Variants in STXBP4 observed in about 807,000 individuals in gnomAD.
STXBP4 encodes syntaxin binding protein 4, also known as syntaxin-binding protein 4.
Under a neutral mutation model 76.1 loss-of-function variants are expected in STXBP4, and 55 were observed. The observed-to-expected ratio is 0.72, with a 90% CI of 0.58 to 0.91. The LOEUF is 0.91. Among genes scored for constraint, STXBP4 ranks in the 40% least tolerant of loss-of-function variants. The pLI is 0.00. For synonymous variants in STXBP4, 201 were observed against 220.2 expected (o/e 0.91, Z 0.77); for missense variants, 618 against 636.9 (o/e 0.97, Z 0.32).
intron 16 of STXBP4, among the ~76,000 whole-genome samples, chr17:55,109,755 G>C (rs244367): frequency 1.3e-5 from 2 of 151,300 alleles, no homozygotes; most frequent in Non-Finnish European, 2.9e-5. Context: ...TTAGCCTCCT[G>C]AGTAGCTGGG....
chr17:54,997,582 A>ATATATATTT (rs796486060), intron 4 of STXBP4, among the ~76,000 whole-genome samples: 3 of 145,884 alleles, frequency 2.1e-5, no homozygotes, highest in South Asian at 2.1e-4. Flanking sequence ...ATATAAATAT[A>ATATATATTT]TATATATTTT....
Position 55,057,377 on chromosome 17 carries a change from G to A in STXBP4, c.1011+10223G>A, listed in dbSNP as rs537359512. 3.4e-4 allele frequency among the ~76,000 whole-genome samples: 51 copies of A among 152,138 alleles called. 1 individual carries two copies. Among genetic ancestry groups the A allele is most frequent in the Middle Eastern group, 6.8e-3 (2 of 294 alleles). On this transcript the variant is annotated intron_variant, in intron 12 of 17. Transcript: ENST00000376352. The stretch of plus-strand genomic sequence containing the variant: ...ACTACTGATGACTCAATTTACGTGC[G>A]TATACTAAACAGTGTTAGCAACTGT...
chr17:55,050,755 C>G (rs1445342115), intron 12 of STXBP4, among the ~76,000 whole-genome samples: 1 of 152,198 alleles, frequency 6.6e-6, no homozygotes, highest in Non-Finnish European at 1.5e-5. Flanking sequence ...GCAACCTCCA[C>G]CTCCCGGGTA....
intron 7 of STXBP4, among the ~76,000 whole-genome samples, chr17:55,005,811 A>C (rs1231910583): frequency 6.6e-6 from 1 of 152,180 alleles, no homozygotes; most frequent in African/African-American, 2.4e-5. Flanking sequence ...TCCAAACCTT[A>C]AAGGATGAAA....
chr17:55,130,434 C>T (rs1395260001), intron 16 of STXBP4, among the ~76,000 whole-genome samples: 1 of 152,080 alleles, frequency 6.6e-6, no homozygotes, highest in Non-Finnish European at 1.5e-5. Flanking sequence ...TTATAGAGTA[C>T]AATGTGATGT....
rs140668379 is a variant in STXBP4 at position 55,082,291 on chromosome 17, G to T, written c.1489+1108G>T. On this transcript the variant is annotated intron_variant, in intron 16 of 17. Transcript: ENST00000376352. ...TCATTTTAAATAGCATGAGCAGATT[G>T]TCATCAGTAATGTCCAAATGATTGT... Among the ~76,000 whole-genome samples, 97 of 152,256 alleles carry T rather than the reference G, an allele frequency of 6.4e-4. 1 individual carries two copies. Among genetic ancestry groups the T allele is most frequent in the Non-Finnish European group, 1.1e-3 (73 of 68,012 alleles).
chr17:55,108,985 G>T (rs1193904675), intron 16 of STXBP4, among the ~76,000 whole-genome samples: 1 of 152,116 alleles, frequency 6.6e-6, no homozygotes, highest in Non-Finnish European at 1.5e-5. Flanking sequence ...TCAGTAGAAA[G>T]TTGACAAAAA....
the STXBP4 span, among the ~76,000 whole-genome samples, chr17:55,206,948 G>A: frequency 6.6e-6 from 1 of 151,386 alleles, no homozygotes; most frequent in African/African-American, 2.4e-5. Context: ...CATCTGTCAT[G>A]ACAGGCATCT....
At chr17:55,145,138 A>G (rs1426589198) in intron 17 of STXBP4, among the ~76,000 whole-genome samples, 2 of 152,140 alleles carry the variant, frequency 1.3e-5, no homozygotes, top group African/African-American at 2.4e-5. Flanking sequence ...GCAGACATCT[A>G]CTATATGTCT....
At chr17:55,041,689 G>A (rs2144734842) in intron 10 of STXBP4, among the ~76,000 whole-genome samples, 1 of 152,182 alleles carries the variant, frequency 6.6e-6, no homozygotes, top group African/African-American at 2.4e-5. Flanking sequence ...AGGAGGTTGG[G>A]GGTTTGTAGT....
At position 55,160,671 on chromosome 17, in the gene STXBP4, G is replaced by A. The variant is rs1224043634; in HGVS notation, c.*760G>A. On this transcript the variant is annotated 3_prime_UTR_variant, in exon 18 of 18. Coordinates refer to ENST00000376352, the MANE Select transcript of STXBP4 (RefSeq NM_178509.6). Reference sequence around the variant, plus strand: ...AGGGAGGTCACAGCCCATCACGCAGGACACTGTGATTGTGTTGATGCAGCT... The same window carrying A: ...AGGGAGGTCACAGCCCATCACGCAGAACACTGTGATTGTGTTGATGCAGCT... 1 of 152,462 alleles carries A rather than the reference G, an allele frequency of 6.6e-6. No individual in the cohort carries two copies. The highest frequency in any genetic ancestry group is 1.9e-4 in the East Asian group (1 of 5,182). The allele number at this position is 152,462 out of a possible 1,614,324, so 9.4% of individuals were successfully genotyped here.
intron 4 of STXBP4, 133 bp from the exon 5 acceptor site, chr17:54,999,212 G>T: frequency 1.6e-6 from 1 of 631,932 alleles, no homozygotes; most frequent in Non-Finnish European, 2.7e-6. Context: ...TGCTACTGAG[G>T]TTGTCTAAGA....
intron 17 of STXBP4, 121 bp downstream of exon 17, chr17:55,141,488 G>T: frequency 1.4e-6 from 1 of 710,236 alleles, no homozygotes. Flanking sequence ...TTAGTAACAA[G>T]AAATGAAGCC....
chr17:55,118,831 T>C (rs1322855061), intron 16 of STXBP4, among the ~76,000 whole-genome samples: 1 of 151,736 alleles, frequency 6.6e-6, no homozygotes, highest in African/African-American at 2.4e-5. Flanking sequence ...GTTAAGTAAC[T>C]GTCCTGATAG....
At chr17:55,115,399 C>G (rs2079769318) in intron 16 of STXBP4, among the ~76,000 whole-genome samples, 2 of 151,754 alleles carry the variant, frequency 1.3e-5, no homozygotes, top group Non-Finnish European at 3.0e-5. Context: ...TCACCTGTTT[C>G]TAATCTAATC....
At chr17:55,009,268 A>G (rs536186956) in intron 8 of STXBP4, among the ~76,000 whole-genome samples, 2 of 152,314 alleles carry the variant, frequency 1.3e-5, no homozygotes, top group South Asian at 2.1e-4. Flanking sequence ...GCAATCAGTT[A>G]ATAGTAATAT....
At chr17:55,010,010 T>A (rs1453678363) in intron 8 of STXBP4, among the ~76,000 whole-genome samples, 1 of 151,934 alleles carries the variant, frequency 6.6e-6, no homozygotes, top group Non-Finnish European at 1.5e-5. Flanking sequence ...TCCTATTCAG[T>A]AATAAATAAG....
At chr17:55,043,571 T>G in intron 11 of STXBP4, 1 of 1,508,180 alleles carries the variant, frequency 6.6e-7, no homozygotes, top group Non-Finnish European at 9.0e-7. Flanking sequence ...TCATGTCTTC[T>G]GTTGAGGTTT....
chr17:54,980,507 C>G (rs759298855), intron 1 of STXBP4, among the ~76,000 whole-genome samples: 3 of 152,178 alleles, frequency 2.0e-5, no homozygotes, highest in Admixed American at 6.5e-5. Flanking sequence ...AGAGTGGAAG[C>G]AGGCTGCAGC....
Sources: allele counts gnomAD v4.1 joint callset (sites outside exome capture counted in the v4.1 genomes callset), GRCh38; gene constraint gnomAD v4.1.1; transcripts MANE v1.5; gene names NCBI Gene and HGNC (gene_info 2026-07-23, HGNC 2026-07-21).